The following HNRNPC variants were observed in gnomAD, a reference collection of about 807,000 sequenced individuals.
The protein encoded by HNRNPC is heterogeneous nuclear ribonucleoprotein C.
HNRNPC carries 3 observed loss-of-function variants against 33.2 expected under a neutral mutation model. That is an observed-to-expected ratio of 0.09 (90% CI 0.04 to 0.23). HNRNPC has a LOEUF of 0.23. Ranked by LOEUF, HNRNPC falls within the 10% of genes least tolerant of loss-of-function variation. The pLI, the probability that HNRNPC is intolerant of heterozygous loss-of-function variation, is 1.00. For missense variants in HNRNPC, 143 were observed against 366.7 expected (o/e 0.39, Z 4.98); for synonymous variants, 121 against 126.7 (o/e 0.96, Z 0.30).
At chr14:21,217,664 T>C (rs897174068) in intron 5 of HNRNPC, among the ~76,000 whole-genome samples, 1 of 152,176 alleles carries the variant, frequency 6.6e-6, no homozygotes, top group Non-Finnish European at 1.5e-5. Flanking sequence ...CAATCAATAA[T>C]TGGTTCTGTA....
At chr14:21,232,084 C>G (rs986123999) in intron 3 of HNRNPC, among the ~76,000 whole-genome samples, 3 of 152,022 alleles carry the variant, frequency 2.0e-5, no homozygotes, top group Non-Finnish European at 4.4e-5. Context: ...AATAAAAGAG[C>G]AAAGGGAAAC....
At chr14:21,228,741 A>G (rs920774465) in intron 5 of HNRNPC, among the ~76,000 whole-genome samples, 8 of 152,128 alleles carry the variant, frequency 5.3e-5, no homozygotes, top group Non-Finnish European at 1.2e-4. Flanking sequence ...ATAAAAATGA[A>G]GAATTACAGA....
chr14:21,244,875 C>T (rs760396017), intron 2 of HNRNPC, among the ~76,000 whole-genome samples: 4 of 151,834 alleles, frequency 2.6e-5, no homozygotes, highest in Admixed American at 1.3e-4. Context: ...AATCCCAACA[C>T]GGAGTTTGAG....
chr14:21,226,999 G>T (rs985972407), intron 5 of HNRNPC, among the ~76,000 whole-genome samples: 2 of 151,088 alleles, frequency 1.3e-5, no homozygotes, highest in Non-Finnish European at 2.9e-5. Flanking sequence ...ATTTAACATA[G>T]TCAATGAAGT....
rs764969076 is a variant in HNRNPC, at chr14:21,230,351, C to T, written c.333G>A (p.Leu111=). The T allele has an allele frequency of 1.9e-6, 3 of 1,609,572 alleles. No homozygotes were observed. In the South Asian group the frequency reaches 3.3e-5, roughly 18 times the overall value. ...AATAGTCCCGTTGAAAGTCATAGTC[C>T]AAGTCAAAAGAGGAGCTGAAAAATA... The part of the protein sequence containing the change: ...AAEMYGSSFD[L]DYDFQRDYYD... Residue 111 remains leucine (L), a synonymous_variant, in exon 5 of 9, where the codon TTG becomes TTA. Transcript: ENST00000553300.
intron 2 of HNRNPC, among the ~76,000 whole-genome samples, chr14:21,248,453 G>T (rs1314944943): frequency 1.3e-5 from 2 of 152,154 alleles, no homozygotes; most frequent in Non-Finnish European, 2.9e-5. Flanking sequence ...ATCATTGATA[G>T]TATTTGTCTC....
intron 2 of HNRNPC, among the ~76,000 whole-genome samples, chr14:21,247,971 A>G (rs1896187127): frequency 6.6e-6 from 1 of 151,272 alleles, no homozygotes; most frequent in Non-Finnish European, 1.5e-5. Flanking sequence ...AGCCTCGGCG[A>G]TGCAGTAAGA....
At chr14:21,212,308 TA>T (rs1255178414) in intron 6 of HNRNPC, among the ~76,000 whole-genome samples, 9 of 152,120 alleles carry the variant, frequency 5.9e-5, no homozygotes, top group Admixed American at 6.5e-5. Context: ...AGACCTTCTG[TA>T]ATGTTTTACT....
intron 2 of HNRNPC, among the ~76,000 whole-genome samples, chr14:21,235,431 C>CATGA: frequency 6.6e-6 from 1 of 152,286 alleles, no homozygotes; most frequent in East Asian, 1.9e-4. Flanking sequence ...TTCATATATA[C>CATGA]ATGACTCCTA....
intron 2 of HNRNPC, among the ~76,000 whole-genome samples, chr14:21,251,570 T>C (rs1896678996): frequency 6.6e-6 from 1 of 151,768 alleles, no homozygotes; most frequent in Non-Finnish European, 1.5e-5. Context: ...TAATCCCAGC[T>C]ACTTGGGAGG....
intron 2 of HNRNPC, among the ~76,000 whole-genome samples, chr14:21,259,579 T>A (rs1877821789): frequency 6.6e-6 from 1 of 152,114 alleles, no homozygotes; most frequent in Non-Finnish European, 1.5e-5. Context: ...CCAATATCTA[T>A]CCCTATCCCA....
At chr14:21,212,026 C>A in intron 6 of HNRNPC, 103 bp from the exon 7 acceptor site, 3 of 838,722 alleles carry the variant, frequency 3.6e-6, no homozygotes, top group East Asian at 2.5e-5. Context: ...AGGAGATACC[C>A]AGGGAGAAAC....
At chr14:21,249,986 A>C (rs1333119346) in intron 2 of HNRNPC, among the ~76,000 whole-genome samples, 2 of 152,206 alleles carry the variant, frequency 1.3e-5, no homozygotes, top group East Asian at 3.8e-4. Flanking sequence ...GCAATATGCA[A>C]AAATAATAAA....
At chr14:21,264,371 G>A (rs912040333) in intron 1 of HNRNPC, 1 of 152,092 alleles carries the variant, frequency 6.6e-6, no homozygotes, top group Non-Finnish European at 1.5e-5. Context: ...GGGAAAAGAT[G>A]TTTTAAATAA....
At chr14:21,243,361 T>C (rs1372387017) in intron 2 of HNRNPC, among the ~76,000 whole-genome samples, 1 of 152,122 alleles carries the variant, frequency 6.6e-6, no homozygotes, top group Admixed American at 6.5e-5. Flanking sequence ...AGGAGAAAAG[T>C]GTAGAGGACA....
At chr14:21,242,309 C>A (rs1252135175) in intron 2 of HNRNPC, among the ~76,000 whole-genome samples, 3 of 152,230 alleles carry the variant, frequency 2.0e-5, no homozygotes, top group Non-Finnish European at 4.4e-5. Flanking sequence ...ATAGTGAAAC[C>A]CCATCTCTAC....
intron 5 of HNRNPC, among the ~76,000 whole-genome samples, chr14:21,214,511 G>T (rs1300097182): frequency 6.6e-6 from 1 of 152,170 alleles, no homozygotes; most frequent in Non-Finnish European, 1.5e-5. Flanking sequence ...AAGACAGGTT[G>T]AGCCCAGGAG....
At chr14:21,221,667 T>C (rs1426922551) in intron 5 of HNRNPC, among the ~76,000 whole-genome samples, 3 of 152,216 alleles carry the variant, frequency 2.0e-5, no homozygotes, top group Non-Finnish European at 4.4e-5. Flanking sequence ...CTCAGAGTCT[T>C]GTTTCCAGAA....
intron 5 of HNRNPC, among the ~76,000 whole-genome samples, chr14:21,218,681 C>CAAAAAAAAAAAAAAAAAAAA (rs71112557): frequency 2.0e-5 from 1 of 51,254 alleles, no homozygotes; most frequent in African/African-American, 1.0e-4. Flanking sequence ...AACTCTCTCT[C>CAAAAAAAAAAAAAAAAAAAA]AAAAAAAAAA....
Sources: allele counts gnomAD v4.1 joint callset (sites outside exome capture counted in the v4.1 genomes callset), GRCh38; gene constraint gnomAD v4.1.1; transcripts MANE v1.5; gene names NCBI Gene and HGNC (gene_info 2026-07-23, HGNC 2026-07-21).